Variants in SEMA5A observed in about 807,000 individuals in gnomAD.
SEMA5A encodes the protein semaphorin 5A, also known as semaphorin-5A.
SEMA5A carries 55 observed loss-of-function variants against 135.5 expected under a neutral mutation model. That is an observed-to-expected ratio of 0.41 (90% CI 0.33 to 0.51). The LOEUF (loss-of-function observed/expected upper bound fraction) is 0.51, where lower values mean the gene tolerates loss of function less well. Among genes scored for constraint, SEMA5A ranks in the 20% least tolerant of loss-of-function variants. SEMA5A has a pLI of 0.37. For missense variants in SEMA5A, 1,290 were observed against 1,419.9 expected, an observed-to-expected ratio of 0.91 and a Z score of 1.47; for synonymous variants, 580 against 546.5, an observed-to-expected ratio of 1.06 and a Z score of -0.85.
At chr5:9,535,981 C>A (rs1441845833) in intron 1 of SEMA5A, among the ~76,000 whole-genome samples, 2 of 152,082 alleles carry the variant, frequency 1.3e-5, no homozygotes, top group East Asian at 3.9e-4. Context: ...CAACATGAAA[C>A]CACCCAGGAA....
chr5:9,285,402 G>A (rs1206909613), intron 5 of SEMA5A, among the ~76,000 whole-genome samples: 2 of 152,156 alleles, frequency 1.3e-5, no homozygotes, highest in East Asian at 1.9e-4. Flanking sequence ...TGGCCTTTGA[G>A]TCAGTTTGAA....
At chr5:9,098,069 C>A (rs1386876247) in intron 16 of SEMA5A, among the ~76,000 whole-genome samples, 1 of 151,942 alleles carries the variant, frequency 6.6e-6, no homozygotes, top group Non-Finnish European at 1.5e-5. Context: ...CATGGTGAAA[C>A]CCCGTCTCTA....
chr5:9,422,365 G>A (rs986005893), intron 2 of SEMA5A: 6 of 152,096 alleles, frequency 3.9e-5, no homozygotes, highest in Non-Finnish European at 7.4e-5. Flanking sequence ...TCTTTGACCC[G>A]AACCTAAATA....
At chr5:9,426,905 ATAT>A (rs1757681454) in intron 2 of SEMA5A, among the ~76,000 whole-genome samples, 1 of 152,228 alleles carries the variant, frequency 6.6e-6, no homozygotes, top group Admixed American at 6.5e-5. Context: ...ATTGTTGCTA[ATAT>A]TATGATGTCC....
chr5:9,474,916 G>A (rs574787936), intron 1 of SEMA5A, among the ~76,000 whole-genome samples: 30 of 152,180 alleles, frequency 2.0e-4, no homozygotes, highest in Admixed American at 5.2e-4. Context: ...TGTACTTTTG[G>A]TTCCTTCTTA....
intron 5 of SEMA5A, among the ~76,000 whole-genome samples, chr5:9,245,007 A>G (rs944648187): frequency 3.9e-5 from 6 of 152,204 alleles, no homozygotes; most frequent in Admixed American, 6.5e-5. Flanking sequence ...CTTCAGCCTA[A>G]TCTCAAACAA....
chr5:9,102,632 G>GAAATT (rs147155269), intron 16 of SEMA5A, among the ~76,000 whole-genome samples: 12,031 of 152,120 alleles, frequency 0.079, 600 homozygotes, highest in African/African-American at 0.15. Flanking sequence ...GTCAGAAGTT[G>GAAATT]AAATTAAAAC....
chr5:9,190,524 G>A, intron 10 of SEMA5A, 53 bp from the exon 11 acceptor site: 2 of 1,555,750 alleles, frequency 1.3e-6, no homozygotes, highest in Non-Finnish European at 1.8e-6. Context: ...GACACCCACA[G>A]CTGGCTGTGG....
At chr5:9,290,344 G>GT (rs1308333155) in intron 5 of SEMA5A, among the ~76,000 whole-genome samples, 1 of 152,080 alleles carries the variant, frequency 6.6e-6, no homozygotes, top group Non-Finnish European at 1.5e-5. Flanking sequence ...TAGAATAATG[G>GT]TTTCCAGGTC....
chr5:9,235,084 T>C (rs1747827362), intron 6 of SEMA5A, among the ~76,000 whole-genome samples: 1 of 152,146 alleles, frequency 6.6e-6, no homozygotes. Context: ...GGCAACCACA[T>C]AGATTCTTTG....
chr5:9,436,535 G>A (rs1263805602), intron 2 of SEMA5A, among the ~76,000 whole-genome samples: 1 of 152,192 alleles, frequency 6.6e-6, no homozygotes, highest in African/African-American at 2.4e-5. Context: ...CATAGACGAA[G>A]CCAGGGACTG....
intron 16 of SEMA5A, among the ~76,000 whole-genome samples, chr5:9,080,235 C>A (rs1247780235): frequency 6.6e-6 from 1 of 152,136 alleles, no homozygotes; most frequent in Non-Finnish European, 1.5e-5. Flanking sequence ...AGGATGAGTT[C>A]ATGTCCTTCG....
intron 11 of SEMA5A, among the ~76,000 whole-genome samples, chr5:9,164,350 C>T (rs1743489378): frequency 6.9e-6 from 1 of 145,506 alleles, no homozygotes; most frequent in South Asian, 2.1e-4. Flanking sequence ...ATAATAGATT[C>T]TGGCATCCAG....
intron 2 of SEMA5A, 184 bp from the exon 3 acceptor site, chr5:9,380,207 C>T (rs1417292905): frequency 1.6e-5 from 7 of 434,270 alleles, no homozygotes; most frequent in Middle Eastern, 6.2e-4. Flanking sequence ...TGAATGCATG[C>T]GTGAGTGCGT....
chr5:9,220,091 G>C (rs1001224626), intron 8 of SEMA5A, among the ~76,000 whole-genome samples: 3 of 152,198 alleles, frequency 2.0e-5, no homozygotes, highest in African/African-American at 7.2e-5. Context: ...ATTCCAAGGG[G>C]AGTAATTCAA....
intron 1 of SEMA5A, among the ~76,000 whole-genome samples, chr5:9,465,654 C>G (rs1465358251): frequency 6.6e-6 from 1 of 152,228 alleles, no homozygotes; most frequent in South Asian, 2.1e-4. Flanking sequence ...AAGATGCTCA[C>G]AGGTTATATG....
intron 11 of SEMA5A, among the ~76,000 whole-genome samples, chr5:9,162,424 A>G (rs1416957514): frequency 2.1e-4 from 30 of 144,530 alleles, no homozygotes; most frequent in East Asian, 1.4e-3. Flanking sequence ...GTGTGTGTAT[A>G]TATATGTATA....
chr5:9,396,495 T>C (rs150189682), intron 2 of SEMA5A, among the ~76,000 whole-genome samples: 35 of 152,200 alleles, frequency 2.3e-4, no homozygotes, highest in Non-Finnish European at 8.8e-5. Flanking sequence ...CCCCAGAGGA[T>C]ACCTCTGCAT....
intron 5 of SEMA5A, among the ~76,000 whole-genome samples, chr5:9,242,423 T>C (rs1183449325): frequency 6.6e-6 from 1 of 152,250 alleles, no homozygotes; most frequent in African/African-American, 2.4e-5. Context: ...GGATATTCAA[T>C]GTGTTTGTTA....
Sources: gnomAD v4.1 joint callset for allele counts (sites outside exome capture counted in the v4.1 genomes callset) on GRCh38, gnomAD v4.1.1 for gene constraint, MANE v1.5 for transcripts, NCBI Gene and HGNC (gene_info 2026-07-23, HGNC 2026-07-21) for gene names.